The following MBNL1 variants were observed in gnomAD, a reference collection of about 807,000 sequenced individuals.
MBNL1 encodes the protein muscleblind like splicing regulator 1.
A neutral mutation model predicts 42.2 loss-of-function variants in MBNL1; 8 were observed. The observed-to-expected ratio is 0.19, with a 90% CI of 0.11 to 0.34. The LOEUF is 0.34. MBNL1 is among the 10% of genes least tolerant of loss of function. The pLI, the probability that MBNL1 is intolerant of heterozygous loss-of-function variation, is 1.00. For missense variants in MBNL1, 309 were observed against 495.3 expected, an observed-to-expected ratio of 0.62 and a Z score of 3.57; for synonymous variants, 169 against 173.9, an observed-to-expected ratio of 0.97 and a Z score of 0.22.
intron 2 of MBNL1, among the ~76,000 whole-genome samples, chr3:152,363,856 T>G (rs1373126703): frequency 6.6e-6 from 1 of 152,148 alleles, no homozygotes; most frequent in Non-Finnish European, 1.5e-5. Flanking sequence ...ACCACGTAGT[T>G]TTTTTAATGA....
At chr3:152,365,589 A>T (rs892116269) in intron 2 of MBNL1, among the ~76,000 whole-genome samples, 2 of 151,888 alleles carry the variant, frequency 1.3e-5, no homozygotes, top group Non-Finnish European at 2.9e-5. Context: ...TAAGCAGTTA[A>T]TTTTTTTTCC....
At chr3:152,261,492 C>A (rs1315204784) in intron 2 of MBNL1, among the ~76,000 whole-genome samples, 2 of 152,160 alleles carry the variant, frequency 1.3e-5, no homozygotes, top group Non-Finnish European at 2.9e-5. Flanking sequence ...AACAAGCTAT[C>A]CTTTGTTAAA....
At chr3:152,291,591 C>T (rs916495602) in intron 1 of MBNL1, among the ~76,000 whole-genome samples, 4 of 152,264 alleles carry the variant, frequency 2.6e-5, no homozygotes, top group East Asian at 1.9e-4. Context: ...ATTAATTGTT[C>T]GTTTCCTCTG....
chr3:152,419,020 A>G (rs1054397009), intron 3 of MBNL1, among the ~76,000 whole-genome samples: 2 of 152,138 alleles, frequency 1.3e-5, no homozygotes, highest in African/African-American at 4.8e-5. Flanking sequence ...CCAGCCGACA[A>G]TCTTATAATG....
rs985462652 is a variant in MBNL1 at position 152,465,103 on chromosome 3, G to A, written c.*2737G>A. ...CTCCATGGGGCCAAATCTGCCTGAA[G>A]ATCATTACCAAAAATAGCAGGTACT... On this transcript the variant is annotated 3_prime_UTR_variant, in exon 10 of 10. Transcript: ENST00000324210. The A allele has an allele frequency of 6.6e-5, 10 of 152,392 alleles. No individual in the cohort carries two copies. The highest frequency in any genetic ancestry group is 4.6e-4 in the Admixed American group (7 of 15,262). The allele number at this position is 152,392 out of a possible 1,614,324, so 9.4% of individuals were successfully genotyped here. A position where few individuals can be genotyped will look rare whatever the true frequency, so the allele number is the denominator to read the frequency against.
intron 2 of MBNL1, among the ~76,000 whole-genome samples, chr3:152,374,864 T>G (rs1303370456): frequency 6.6e-6 from 1 of 152,210 alleles, no homozygotes; most frequent in Non-Finnish European, 1.5e-5. Flanking sequence ...GAAGTAATTA[T>G]TTTTCCCATG....
chr3:152,405,094 A>T (rs550731717), intron 2 of MBNL1, among the ~76,000 whole-genome samples: 36 of 152,312 alleles, frequency 2.4e-4, no homozygotes, highest in Non-Finnish European at 4.0e-4. Context: ...TGCTTACATT[A>T]TGAAATATCT....
At chr3:152,340,170 T>TA in intron 2 of MBNL1, 1 of 185,012 alleles carries the variant, frequency 5.4e-6, no homozygotes, top group South Asian at 1.4e-4. Context: ...ACAACAACAG[T>TA]AAAAAACTGG....
chr3:152,372,411 G>T (rs1320559977), intron 2 of MBNL1, among the ~76,000 whole-genome samples: 2 of 152,208 alleles, frequency 1.3e-5, no homozygotes, highest in Non-Finnish European at 2.9e-5. Flanking sequence ...TCTTGTGCTG[G>T]TTTTTCCTCA....
At position 152,423,595 on chromosome 3, in the gene MBNL1, C is replaced by T. The variant is rs569025901; in HGVS notation, c.345+8484C>T. Among the ~76,000 whole-genome samples, 91 of 152,248 alleles carry T rather than the reference C, an allele frequency of 6.0e-4. 1 individual carries two copies. The highest frequency in any genetic ancestry group is 2.1e-3 in the African/African-American group (87 of 41,528). ...ATCACTCATTTTGTGAGGCCAGCAT[C>T]GTCCTGATACCAAAATCTGGTAGAG... On this transcript the variant is annotated intron_variant, in intron 3 of 9. Transcript: ENST00000324210.
chr3:152,434,263 C>G (rs983615105), intron 4 of MBNL1, among the ~76,000 whole-genome samples: 2 of 152,164 alleles, frequency 1.3e-5, no homozygotes, highest in African/African-American at 4.8e-5. Context: ...TCCATGAGGT[C>G]TCATCATTTA....
intron 3 of MBNL1, among the ~76,000 whole-genome samples, chr3:152,431,959 T>A (rs1330892820): frequency 6.6e-6 from 1 of 152,248 alleles, no homozygotes; most frequent in African/African-American, 2.4e-5. Context: ...AATTCTGTCT[T>A]GTAGCAGTTT....
intron 3 of MBNL1, among the ~76,000 whole-genome samples, chr3:152,428,987 T>A (rs2098972131): frequency 6.6e-6 from 1 of 152,178 alleles, no homozygotes; most frequent in South Asian, 2.1e-4. Context: ...AAGTACTAAT[T>A]CAACAGGTAT....
rs376310352 is a variant in MBNL1, at chr3:152,411,865, G to C, written c.175-3076G>C. On this transcript the variant is annotated intron_variant, in intron 2 of 9. Transcript: ENST00000324210. ...TTAAATGACTGACCTCTTAATGAAAGCATCATTAGGTCAGTACAACTCAGA... is the reference window on the plus strand; with the variant it reads ...TTAAATGACTGACCTCTTAATGAAACCATCATTAGGTCAGTACAACTCAGA... Among the ~76,000 whole-genome samples, 59 of 152,208 alleles carry C rather than the reference G, an allele frequency of 3.9e-4. No individual in the cohort carries two copies. The South Asian group carries it at 0.012, about 32-fold the overall frequency.
At chr3:152,342,832 C>T (rs1409838234) in intron 2 of MBNL1, among the ~76,000 whole-genome samples, 1 of 152,058 alleles carries the variant, frequency 6.6e-6, no homozygotes. Context: ...AAAACAGTAT[C>T]AGTTGTATTG....
At chr3:152,370,437 A>G (rs1480980005) in intron 2 of MBNL1, among the ~76,000 whole-genome samples, 1 of 152,180 alleles carries the variant, frequency 6.6e-6, no homozygotes, top group Non-Finnish European at 1.5e-5. Flanking sequence ...CAATTTTAGA[A>G]TAAGTGTGAT....
intron 3 of MBNL1, among the ~76,000 whole-genome samples, chr3:152,419,969 C>T (rs969429815): frequency 2.6e-4 from 39 of 152,274 alleles, no homozygotes; most frequent in African/African-American, 8.7e-4. Flanking sequence ...TTTCCCCTCA[C>T]GATGTAAACC....
At position 152,385,722 on chromosome 3, in the gene MBNL1, A is replaced by G. The variant is rs74446157; in HGVS notation, c.175-29219A>G. Among the ~76,000 whole-genome samples the G allele has an allele frequency of 3.9e-3, 594 of 152,196 alleles. 29 individuals are homozygous for G. The East Asian group carries it at 0.093, about 24-fold the overall frequency. On this transcript the variant is annotated intron_variant, in intron 2 of 9. Transcript: ENST00000324210. ...AATGTGCCACTTGCCTTTTAGAGTG[A>G]TACTGAAGTGGTGCAATCTGGAAAA...
At chr3:152,398,488 A>C (rs1185230484) in intron 2 of MBNL1, among the ~76,000 whole-genome samples, 1 of 152,238 alleles carries the variant, frequency 6.6e-6, no homozygotes, top group African/African-American at 2.4e-5. Flanking sequence ...TAATAGAATC[A>C]AATGATGCAA....
Sources: gnomAD v4.1 joint callset for allele counts (sites outside exome capture counted in the v4.1 genomes callset) on GRCh38, gnomAD v4.1.1 for gene constraint, MANE v1.5 for transcripts, NCBI Gene and HGNC (gene_info 2026-07-23, HGNC 2026-07-21) for gene names.